LRRC69: variants seen among roughly 807,000 people sequenced by gnomAD.
LRRC69 encodes the protein leucine rich repeat containing 69.
A neutral mutation model predicts 37.8 loss-of-function variants in LRRC69; 42 were observed. The ratio of observed to expected loss-of-function variants is 1.11; its 90% CI spans 0.87 to 1.44. LRRC69 has a LOEUF of 1.44. Ranked by LOEUF, LRRC69 falls within the 40% of genes most tolerant of loss-of-function variation. The probability of loss-of-function intolerance (pLI) is 0.00; values close to 1 mark genes in which losing one functional copy is unlikely to be tolerated. For missense variants in LRRC69, 357 were observed against 401.9 expected, an observed-to-expected ratio of 0.89 and a Z score of 0.96; for synonymous variants, 141 against 143.1, an observed-to-expected ratio of 0.99 and a Z score of 0.11.
intron 5 of LRRC69, chr8:91,157,501 G>A (rs1808857898): frequency 1.0e-5 from 16 of 1,567,878 alleles, no homozygotes; most frequent in Non-Finnish European, 1.4e-5. Context: ...ACAGAAAGAT[G>A]TAGACAAGGA....
At chr8:91,193,264 T>G (rs1162062703) in intron 6 of LRRC69, among the ~76,000 whole-genome samples, 2 of 135,698 alleles carry the variant, frequency 1.5e-5, no homozygotes, top group Non-Finnish European at 3.1e-5. Flanking sequence ...TGTAGTATAG[T>G]TTGAAGTCAG....
intron 1 of LRRC69, among the ~76,000 whole-genome samples, chr8:91,105,693 G>A (rs1813300611): frequency 6.7e-6 from 1 of 149,082 alleles, no homozygotes; most frequent in Non-Finnish European, 1.5e-5. Context: ...GGCAGATGAA[G>A]GTTTCAAAGA....
chr8:91,178,038 C>T lies in LRRC69; in HGVS notation c.652-11484C>T, dbSNP rs932100445. 7.9e-5 allele frequency among the ~76,000 whole-genome samples: 12 copies of T among 151,852 alleles called. 1 individual carries two copies. Among genetic ancestry groups the T allele is most frequent in the South Asian group, 2.1e-4 (1 of 4,816 alleles). ...TAATTTTTTGTGTTTTTAGTAGAGA[C>T]GGGGTTTCACCGTGTTAGCCAGGAT... On this transcript the variant is annotated intron_variant, in intron 5 of 7. Coordinates refer to ENST00000448384, the Ensembl canonical transcript of LRRC69.
chr8:91,160,304 T>A (rs1027129466), intron 5 of LRRC69, among the ~76,000 whole-genome samples: 1 of 150,924 alleles, frequency 6.6e-6, no homozygotes, highest in African/African-American at 2.4e-5. Context: ...TTTTTTGTTT[T>A]TTTTTTTAAA....
At chr8:91,152,719 A>G (rs1467846973) in intron 5 of LRRC69, among the ~76,000 whole-genome samples, 1 of 151,564 alleles carries the variant, frequency 6.6e-6, no homozygotes, top group African/African-American at 2.4e-5. Flanking sequence ...TACTTTGGAC[A>G]TTATGGCCAT....
At chr8:91,123,409 T>C (rs1813663493) in intron 1 of LRRC69, among the ~76,000 whole-genome samples, 2 of 152,044 alleles carry the variant, frequency 1.3e-5, no homozygotes, top group South Asian at 4.1e-4. Context: ...ATGGTAATTC[T>C]TAGACAAAAG....
chr8:91,174,766 A>G (rs1456685260), intron 5 of LRRC69, among the ~76,000 whole-genome samples: 1 of 152,216 alleles, frequency 6.6e-6, no homozygotes, highest in Non-Finnish European at 1.5e-5. Context: ...GAGTCTGGTT[A>G]CTGCTCATTC....
At chr8:91,194,733 T>G (rs775956466) in intron 6 of LRRC69, among the ~76,000 whole-genome samples, 14 of 152,326 alleles carry the variant, frequency 9.2e-5, no homozygotes, top group African/African-American at 3.4e-4. Flanking sequence ...TTGATTCTTC[T>G]TTTTTTCTTT....
rs35968986 is a variant in LRRC69 at position 91,210,562 on chromosome 8, G to GACACACACACACAC, written c.934-8308_934-8295dup. 7.0e-3 allele frequency among the ~76,000 whole-genome samples: 1,027 copies of GACACACACACACAC among 146,176 alleles called. 11 individuals are homozygous for GACACACACACACAC. Among genetic ancestry groups the GACACACACACACAC allele is most frequent in the African/African-American group, 0.019 (766 of 39,862 alleles). ...TTAAACACAGACACACACACACACAGACACACACACACACACACACACACA... is the reference window on the plus strand; with the variant it reads ...TTAAACACAGACACACACACACACAGACACACACACACACACACACACACACACACACACACACA... On this transcript the variant is annotated intron_variant, in intron 7 of 7. Coordinates refer to ENST00000448384, the Ensembl canonical transcript of LRRC69.
At chr8:91,170,368 C>A (rs1809106243) in intron 5 of LRRC69, among the ~76,000 whole-genome samples, 2 of 150,716 alleles carry the variant, frequency 1.3e-5, no homozygotes, top group South Asian at 2.1e-4. Flanking sequence ...CATCAAGCTA[C>A]CAATGCCTTT....
chr8:91,212,354 C>CATTTCAAACA (rs1809944874), intron 7 of LRRC69, among the ~76,000 whole-genome samples: 1 of 152,012 alleles, frequency 6.6e-6, no homozygotes, highest in Admixed American at 6.6e-5. Flanking sequence ...TCCCCAGATT[C>CATTTCAAACA]CTTTAAAGTT....
chr8:91,181,282 G>A (rs1458182918), intron 5 of LRRC69, among the ~76,000 whole-genome samples: 1 of 152,096 alleles, frequency 6.6e-6, no homozygotes, highest in Non-Finnish European at 1.5e-5. Context: ...TAACTGAAGA[G>A]TCATTGCTGG....
intron 3 of LRRC69, among the ~76,000 whole-genome samples, chr8:91,129,636 T>C (rs1337709630): frequency 6.6e-6 from 1 of 151,876 alleles, no homozygotes; most frequent in Non-Finnish European, 1.5e-5. Flanking sequence ...CTCCACACAT[T>C]TTTACTCCAT....
chr8:91,128,952 C>T (rs1029634272), intron 3 of LRRC69, among the ~76,000 whole-genome samples: 1 of 152,004 alleles, frequency 6.6e-6, no homozygotes, highest in South Asian at 2.1e-4. Context: ...CTAGCAGGGA[C>T]TCAGAGTGAT....
chr8:91,189,493 G>A, intron 5 of LRRC69, 29 bp from the exon 6 acceptor site: 1 of 1,376,598 alleles, frequency 7.3e-7, no homozygotes, highest in Non-Finnish European at 1.0e-6. Flanking sequence ...ATTTTGTTGT[G>A]CAATAAGGTT....
intron 1 of LRRC69, among the ~76,000 whole-genome samples, chr8:91,123,324 T>G (rs181738096): frequency 6.6e-6 from 1 of 152,174 alleles, no homozygotes. Flanking sequence ...ATGAATGTAT[T>G]TTAACTTCAC....
intron 5 of LRRC69, among the ~76,000 whole-genome samples, chr8:91,184,945 T>TGCATTTCATTTTGAGTGA (rs1430161890): frequency 6.6e-6 from 1 of 152,066 alleles, no homozygotes; most frequent in Admixed American, 6.6e-5. Flanking sequence ...GTGAGGAGTG[T>TGCATTTCATTTTGAGTGA]GCATTTCATT....
At chr8:91,160,957 A>G (rs998926113) in intron 5 of LRRC69, among the ~76,000 whole-genome samples, 8 of 151,320 alleles carry the variant, frequency 5.3e-5, no homozygotes, top group African/African-American at 1.5e-4. Flanking sequence ...TACTTTGTTT[A>G]GTCATATTCC....
intron 1 of LRRC69, among the ~76,000 whole-genome samples, chr8:91,116,265 T>A (rs1419690191): frequency 6.6e-6 from 1 of 151,978 alleles, no homozygotes; most frequent in East Asian, 1.9e-4. Flanking sequence ...GGCACTTTAT[T>A]AAACTGTCTC....
Sources: allele counts gnomAD v4.1 joint callset (sites outside exome capture counted in the v4.1 genomes callset), GRCh38; gene constraint gnomAD v4.1.1; transcripts MANE v1.5; gene names NCBI Gene and HGNC (gene_info 2026-07-23, HGNC 2026-07-21).